The following KCNH8 variants were observed in gnomAD, a reference collection of about 807,000 sequenced individuals.
The protein encoded by KCNH8 is potassium voltage-gated channel subfamily H member 8, also known as voltage-gated delayed rectifier potassium channel KCNH8.
In KCNH8, 70 loss-of-function variants were observed where a neutral mutation model predicts 103.6. The observed-to-expected ratio is 0.68, with a 90% CI of 0.56 to 0.82. The LOEUF (loss-of-function observed/expected upper bound fraction) is 0.82, where lower values mean the gene tolerates loss of function less well. Among genes scored for constraint, KCNH8 ranks in the 40% least tolerant of loss-of-function variants. The pLI is 0.00. For synonymous variants in KCNH8, 498 were observed against 489.4 expected, an observed-to-expected ratio of 1.02 and a Z score of -0.23; for missense variants, 1,217 against 1,329.9, an observed-to-expected ratio of 0.92 and a Z score of 1.32.
intron 15 of KCNH8, among the ~76,000 whole-genome samples, chr3:19,526,758 A>G (rs144065534): frequency 3.3e-5 from 5 of 151,976 alleles, no homozygotes; most frequent in Non-Finnish European, 7.4e-5. Flanking sequence ...CCTGCTAGAG[A>G]TATACTGACA....
At chr3:19,155,702 G>A (rs555379562) in intron 1 of KCNH8, among the ~76,000 whole-genome samples, 65 of 152,274 alleles carry the variant, frequency 4.3e-4, no homozygotes, top group Admixed American at 8.5e-4. Context: ...AGAGCAAGAT[G>A]CTTTTTGTTC....
chr3:19,208,614 T>C (rs981966113), intron 1 of KCNH8, among the ~76,000 whole-genome samples: 5 of 151,976 alleles, frequency 3.3e-5, no homozygotes, highest in Admixed American at 3.3e-4. Context: ...CTCAGATATT[T>C]CCAAGCCCAT....
chr3:19,240,612 A>G (rs1213921544), intron 1 of KCNH8, among the ~76,000 whole-genome samples: 1 of 120,888 alleles, frequency 8.3e-6, no homozygotes, highest in Non-Finnish European at 1.6e-5. Context: ...AACTCTGTCT[A>G]AAAAAAAAAA....
At chr3:19,165,743 T>C (rs1205936888) in intron 1 of KCNH8, among the ~76,000 whole-genome samples, 1 of 152,216 alleles carries the variant, frequency 6.6e-6, no homozygotes, top group Non-Finnish European at 1.5e-5. Context: ...CTCACTTGTT[T>C]GTGAGTTGGG....
intron 2 of KCNH8, among the ~76,000 whole-genome samples, chr3:19,271,083 A>G (rs2064580959): frequency 6.6e-6 from 1 of 152,132 alleles, no homozygotes; most frequent in Non-Finnish European, 1.5e-5. Flanking sequence ...CCTTTTTAAT[A>G]TATCAAAAAT....
At chr3:19,153,883 C>T (rs750262338) in intron 1 of KCNH8, among the ~76,000 whole-genome samples, 5 of 152,154 alleles carry the variant, frequency 3.3e-5, no homozygotes, top group South Asian at 2.1e-4. Context: ...CCACCCACCG[C>T]GCCCTCCCAA....
intron 1 of KCNH8, among the ~76,000 whole-genome samples, chr3:19,253,269 G>A (rs960786699): frequency 6.6e-6 from 1 of 152,060 alleles, no homozygotes; most frequent in African/African-American, 2.4e-5. Context: ...GCAGATTTAA[G>A]GAAATTGAGG....
intron 1 of KCNH8, among the ~76,000 whole-genome samples, chr3:19,224,008 A>G (rs78587546): frequency 0.039 from 5,981 of 152,268 alleles, 419 homozygotes; most frequent in African/African-American, 0.13. Context: ...AGACAGATTA[A>G]GATCTATAGT....
At chr3:19,329,187 A>G (rs1368442623) in intron 3 of KCNH8, among the ~76,000 whole-genome samples, 4 of 152,168 alleles carry the variant, frequency 2.6e-5, no homozygotes, top group Non-Finnish European at 2.9e-5. Context: ...TCCTCTGTTT[A>G]TGGAGACAGC....
intron 7 of KCNH8, among the ~76,000 whole-genome samples, chr3:19,413,169 C>A (rs2066808748): frequency 6.6e-6 from 1 of 150,434 alleles, no homozygotes. Flanking sequence ...TAAATAAGCA[C>A]CATGGAATAT....
chr3:19,514,902 TATA>T (rs2068847378), intron 13 of KCNH8, among the ~76,000 whole-genome samples: 2 of 151,914 alleles, frequency 1.3e-5, no homozygotes, highest in South Asian at 4.1e-4. Context: ...TGATAAAAAA[TATA>T]ATGTGATATA....
intron 1 of KCNH8, among the ~76,000 whole-genome samples, chr3:19,163,539 C>T (rs1353251252): frequency 6.6e-6 from 1 of 151,998 alleles, no homozygotes; most frequent in East Asian, 1.9e-4. Flanking sequence ...GATTGCCAAG[C>T]ACAAATTTCC....
At chr3:19,217,671 A>G (rs968278886) in intron 1 of KCNH8, among the ~76,000 whole-genome samples, 2 of 152,190 alleles carry the variant, frequency 1.3e-5, no homozygotes, top group African/African-American at 2.4e-5. Flanking sequence ...TCTCGTAGGT[A>G]TTAAGCTGTC....
At chr3:19,413,670 C>G (rs2066817831) in intron 7 of KCNH8, among the ~76,000 whole-genome samples, 1 of 152,002 alleles carries the variant, frequency 6.6e-6, no homozygotes, top group Non-Finnish European at 1.5e-5. Flanking sequence ...GAAACCAATC[C>G]TGCTGACACT....
chr3:19,299,608 T>C (rs1010603024), intron 3 of KCNH8, among the ~76,000 whole-genome samples: 4 of 152,086 alleles, frequency 2.6e-5, no homozygotes, highest in African/African-American at 9.7e-5. Context: ...AGTTTACCTA[T>C]GTAACACACC....
chr3:19,269,739 A>G (rs1443179158), intron 2 of KCNH8, among the ~76,000 whole-genome samples: 1 of 152,104 alleles, frequency 6.6e-6, no homozygotes, highest in Non-Finnish European at 1.5e-5. Flanking sequence ...ATAATTCCCA[A>G]AGCAGCTTCC....
At chr3:19,488,416 C>T (rs771942786) in intron 11 of KCNH8, among the ~76,000 whole-genome samples, 3 of 152,188 alleles carry the variant, frequency 2.0e-5, no homozygotes, top group African/African-American at 4.8e-5. Context: ...CCAGTAATGG[C>T]GAGGTATTCA....
chr3:19,500,208 G>T, intron 11 of KCNH8, among the ~76,000 whole-genome samples: 1 of 152,184 alleles, frequency 6.6e-6, no homozygotes, highest in East Asian at 1.9e-4. Context: ...TTACTTAATG[G>T]TAAAGGGATC....
intron 11 of KCNH8, among the ~76,000 whole-genome samples, chr3:19,498,463 G>C (rs761072439): frequency 6.6e-6 from 1 of 152,094 alleles, no homozygotes; most frequent in South Asian, 2.1e-4. Context: ...CCTCAGCGCT[G>C]ACTTGTCTCA....
Sources: gnomAD v4.1 joint callset for allele counts (sites outside exome capture counted in the v4.1 genomes callset) on GRCh38, gnomAD v4.1.1 for gene constraint, MANE v1.5 for transcripts, NCBI Gene and HGNC (gene_info 2026-07-23, HGNC 2026-07-21) for gene names.